The following ERICH1 variants were observed in gnomAD, a reference collection of about 807,000 sequenced individuals.
ERICH1 encodes glutamate rich 1.
Under a neutral mutation model 39.6 loss-of-function variants are expected in ERICH1, and 56 were observed. That is an observed-to-expected ratio of 1.41 (90% CI 1.14 to 1.77). ERICH1 has a LOEUF of 1.77. Among genes scored for constraint, ERICH1 ranks in the 40% most tolerant of loss-of-function variants. ERICH1 has a pLI of 0.00. For synonymous variants in ERICH1, 313 were observed against 223.6 expected (o/e 1.40, Z -3.57); for missense variants, 826 against 575.4 (o/e 1.44, Z -4.45).
chr8:635,951 G>C (rs144199007), intron 3 of ERICH1, among the ~76,000 whole-genome samples: 113 of 152,336 alleles, frequency 7.4e-4, no homozygotes, highest in Middle Eastern at 6.8e-3. Context: ...CTCATCCTGC[G>C]AGCCGTTCAA....
At chr8:642,208 G>A (rs543059648) in intron 3 of ERICH1, among the ~76,000 whole-genome samples, 5 of 152,306 alleles carry the variant, frequency 3.3e-5, no homozygotes, top group African/African-American at 1.2e-4. Flanking sequence ...GGTGGCAGAG[G>A]CACTGGTGTC....
At chr8:702,476 C>T (rs1812376626) in intron 2 of ERICH1, among the ~76,000 whole-genome samples, 1 of 152,184 alleles carries the variant, frequency 6.6e-6, no homozygotes, top group Non-Finnish European at 1.5e-5. Flanking sequence ...CACACAAAGA[C>T]AGCAGAGAAA....
At chr8:616,938 G>C (rs186399019) in intron 3 of ERICH1, among the ~76,000 whole-genome samples, 1 of 53,518 alleles carries the variant, frequency 1.9e-5, no homozygotes, top group South Asian at 5.7e-4. Context: ...GACAGAGAGA[G>C]AGAGGGAGAG....
intron 3 of ERICH1, among the ~76,000 whole-genome samples, chr8:641,895 C>T (rs1246038237): frequency 6.6e-6 from 1 of 152,216 alleles, no homozygotes; most frequent in Non-Finnish European, 1.5e-5. Flanking sequence ...TTCTTCTGAC[C>T]CCATCTCGTC....
In ERICH1 at chr8:715,889, C is replaced by G. The variant is rs770138897; in HGVS notation, c.141G>C (p.Val47=). Residue 47 remains valine, a synonymous_variant, in exon 2 of 6, where the codon GTG becomes GTC. Transcript: ENST00000262109. ...NPPKKVTSEK[V]SQKHAEPLTD... ...TCAAAGGCTCAGCATGTTTCTGGCT[C>G]ACTTTCTCAGAGGTCACTTTCTTTG... The G allele has an allele frequency of 1.2e-6, 2 of 1,613,652 alleles. No individual in the cohort carries two copies. Among genetic ancestry groups the G allele is most frequent in the East Asian group, 2.2e-5 (1 of 44,866 alleles).
intron 2 of ERICH1, among the ~76,000 whole-genome samples, chr8:700,697 G>A (rs934745628): frequency 1.1e-4 from 13 of 118,286 alleles, no homozygotes; most frequent in Admixed American, 6.3e-4. Context: ...GTGGCTGCTC[G>A]GAAAAGGTGC....
intron 2 of ERICH1, among the ~76,000 whole-genome samples, chr8:695,157 C>T (rs1349985949): frequency 1.3e-5 from 2 of 152,038 alleles, no homozygotes; most frequent in Non-Finnish European, 2.9e-5. Context: ...CTCTGGGCTG[C>T]TCCTGGCAGC....
At position 664,346 on chromosome 8, in the gene ERICH1, A is replaced by G; in HGVS notation, c.*257T>C. 1 of 1,117,338 alleles carries G rather than the reference A, an allele frequency of 8.9e-7. No individual in the cohort carries two copies. The highest frequency in any genetic ancestry group is 1.1e-6 in the Non-Finnish European group (1 of 915,248). 69.2% of individuals were successfully genotyped at this position (1,117,338 alleles called of 1,614,324 possible). On this transcript the variant is annotated 3_prime_UTR_variant, in exon 6 of 6. Transcript: ENST00000262109. The stretch of plus-strand genomic sequence containing the variant: ...AATGTCCATTTTCAATTTTTACAAT[A>G]AGTAGAGAAACAGAATCAAGTTTTA...
intron 3 of ERICH1, among the ~76,000 whole-genome samples, chr8:638,016 G>A (rs1321650795): frequency 6.6e-6 from 1 of 152,252 alleles, no homozygotes; most frequent in Admixed American, 6.5e-5. Context: ...AGGATTTGGT[G>A]AGGAAGCAAA....
chr8:656,046 C>T (rs1800622355), intron 3 of ERICH1, among the ~76,000 whole-genome samples: 1 of 152,062 alleles, frequency 6.6e-6, no homozygotes, highest in Non-Finnish European at 1.5e-5. Flanking sequence ...CTCATGGCCT[C>T]AAGACTTCCC....
chr8:709,291 C>G (rs530847971), intron 2 of ERICH1, among the ~76,000 whole-genome samples: 2 of 152,304 alleles, frequency 1.3e-5, no homozygotes, highest in East Asian at 1.9e-4. Context: ...ACTTGACAGA[C>G]CAGAGTCTGA....
intron 3 of ERICH1, among the ~76,000 whole-genome samples, chr8:655,816 T>C (rs1267550988): frequency 1.3e-5 from 2 of 152,146 alleles, no homozygotes; most frequent in Non-Finnish European, 2.9e-5. Flanking sequence ...TATTGTTGTA[T>C]GTGCCTCATT....
chr8:614,778 T>G (rs1796835161), exon 4 of ERICH1: 1 of 158,928 alleles, frequency 6.3e-6, no homozygotes, highest in Non-Finnish European at 1.4e-5. Flanking sequence ...CAACATACAC[T>G]TGTTGATGCC....
At chr8:641,883 C>T (rs1485076536) in intron 3 of ERICH1, among the ~76,000 whole-genome samples, 1 of 152,244 alleles carries the variant, frequency 6.6e-6, no homozygotes, top group African/African-American at 2.4e-5. Context: ...GTATGCAGTC[C>T]TTTCTTCTGA....
chr8:709,382 T>G (rs79969421), intron 2 of ERICH1, among the ~76,000 whole-genome samples: 4,130 of 152,272 alleles, frequency 0.027, 202 homozygotes, highest in African/African-American at 0.095. Context: ...CCTGGGGGGT[T>G]CAGCCCTCAA....
chr8:649,675 G>C (rs1799691490), intron 3 of ERICH1, among the ~76,000 whole-genome samples: 1 of 152,180 alleles, frequency 6.6e-6, no homozygotes, highest in Admixed American at 6.5e-5. Flanking sequence ...AGATCATGAA[G>C]CACTGCCTCC....
At chr8:724,656 C>A (rs1356699695) in intron 1 of ERICH1, among the ~76,000 whole-genome samples, 2 of 152,206 alleles carry the variant, frequency 1.3e-5, no homozygotes, top group Non-Finnish European at 2.9e-5. Context: ...AATCAGGAGA[C>A]ACCAGATAAA....
chr8:715,436 C>T (rs960947180), intron 2 of ERICH1, among the ~76,000 whole-genome samples: 2 of 152,200 alleles, frequency 1.3e-5, no homozygotes, highest in South Asian at 2.1e-4. Flanking sequence ...ATGGGACAGA[C>T]GTCTGCCAAA....
intron 3 of ERICH1, among the ~76,000 whole-genome samples, chr8:655,054 C>G (rs905600418): frequency 2.6e-5 from 4 of 152,208 alleles, no homozygotes; most frequent in Non-Finnish European, 4.4e-5. Flanking sequence ...CTACAGAAAG[C>G]CGTGGAGAAC....
Sources: gnomAD v4.1 joint callset for allele counts (sites outside exome capture counted in the v4.1 genomes callset) on GRCh38, gnomAD v4.1.1 for gene constraint, MANE v1.5 for transcripts, NCBI Gene and HGNC (gene_info 2026-07-23, HGNC 2026-07-21) for gene names.